The following STK3 variants were observed in gnomAD, a reference collection of about 807,000 sequenced individuals.
STK3 encodes serine/threonine kinase 3, also known as serine/threonine-protein kinase 3.
In STK3, 41 loss-of-function variants were observed where a neutral mutation model predicts 58.0. That is an observed-to-expected ratio of 0.71 (90% CI 0.55 to 0.92). The LOEUF (loss-of-function observed/expected upper bound fraction) is 0.92. Ranked by LOEUF, STK3 falls within the 40% of genes least tolerant of loss-of-function variation. The pLI is 0.00. For missense variants in STK3, 479 were observed against 602.7 expected, an observed-to-expected ratio of 0.79 and a Z score of 2.15; for synonymous variants, 170 against 191.0, an observed-to-expected ratio of 0.89 and a Z score of 0.91.
intron 3 of STK3, among the ~76,000 whole-genome samples, chr8:98,761,026 C>G (rs899388556): frequency 6.6e-6 from 1 of 151,962 alleles, no homozygotes; most frequent in African/African-American, 2.4e-5. Flanking sequence ...TCATAACACC[C>G]AAAATATGGA....
chr8:98,372,402 A>G lies in STK3; in HGVS notation n.112-724T>C, dbSNP rs528658040. Among the ~76,000 whole-genome samples, 1,303 of 152,326 alleles carry G rather than the reference A, an allele frequency of 8.6e-3. 13 individuals are homozygous for G. Among genetic ancestry groups the G allele is most frequent in the Middle Eastern group, 0.017 (5 of 294 alleles). ...GGGAGGCCCGCAGACTCCAACAGCC[A>G]GGACGCCACAGCTCCCCGGCCCCTC... On this transcript the variant is annotated intron_variant and non_coding_transcript_variant, in intron 2 of 2. Transcript: ENST00000518704.
At chr8:98,352,225 A>G in the STK3 span, among the ~76,000 whole-genome samples, 2 of 152,044 alleles carry the variant, frequency 1.3e-5, no homozygotes, top group Non-Finnish European at 2.9e-5. Context: ...AAAAGATAGG[A>G]ACATTTTGGC....
intron 6 of STK3, among the ~76,000 whole-genome samples, chr8:98,702,851 C>T (rs1825716174): frequency 6.6e-6 from 1 of 152,230 alleles, no homozygotes; most frequent in South Asian, 2.1e-4. Flanking sequence ...TCACCCACCA[C>T]ATCCTAACTT....
chr8:98,411,866 G>A (rs1262813597), intron 3 of STK3, among the ~76,000 whole-genome samples: 1 of 152,126 alleles, frequency 6.6e-6, no homozygotes, highest in Non-Finnish European at 1.5e-5. Flanking sequence ...TTGCTTCTCA[G>A]CTTAAGACAC....
intron 3 of STK3, among the ~76,000 whole-genome samples, chr8:98,858,368 A>T (rs944596798): frequency 6.9e-6 from 1 of 144,214 alleles, no homozygotes. Flanking sequence ...AGACAGAGAG[A>T]GAGTATATAG....
At chr8:98,893,834 T>G (rs1419013172) in intron 1 of STK3, among the ~76,000 whole-genome samples, 1 of 152,208 alleles carries the variant, frequency 6.6e-6, no homozygotes, top group African/African-American at 2.4e-5. Flanking sequence ...GGACAGTCTG[T>G]GTCACCCTGG....
chr8:98,621,276 G>C (rs1363807356), intron 6 of STK3, among the ~76,000 whole-genome samples: 2 of 152,122 alleles, frequency 1.3e-5, no homozygotes, highest in Non-Finnish European at 2.9e-5. Context: ...TTGAAACCTT[G>C]TTGCGCTTAC....
At chr8:98,514,374 A>G (rs1024067661) in intron 10 of STK3, among the ~76,000 whole-genome samples, 13 of 152,146 alleles carry the variant, frequency 8.5e-5, no homozygotes, top group Admixed American at 2.6e-4. Flanking sequence ...TTTTTAAAAA[A>G]AGTAATTTCA....
At chr8:98,475,277 G>A (rs1821221826) in intron 10 of STK3, among the ~76,000 whole-genome samples, 1 of 152,152 alleles carries the variant, frequency 6.6e-6, no homozygotes, top group African/African-American at 2.4e-5. Context: ...GCACCTGAAA[G>A]TCCTGTGCTT....
chr8:98,462,150 C>T (rs1380454780), intron 10 of STK3, among the ~76,000 whole-genome samples: 5 of 151,880 alleles, frequency 3.3e-5, no homozygotes, highest in African/African-American at 1.2e-4. Flanking sequence ...CTATAGTAAC[C>T]CTGTTGTGCT....
Position 98,723,664 on chromosome 8 carries a change from G to A in STK3, c.352-16353C>T, listed in dbSNP as rs1461000518. 5.9e-5 allele frequency among the ~76,000 whole-genome samples: 9 copies of A among 152,120 alleles called. No homozygotes were observed. In the East Asian group the frequency reaches 1.7e-3, roughly 29 times the overall value. On this transcript the variant is annotated intron_variant, in intron 4 of 10. Transcript: ENST00000419617. Reference sequence around the variant, plus strand: ...TAATTACTTATGCATATAAAATGACGCATTAATTCTACATTTAATACCTAT... The same window carrying A: ...TAATTACTTATGCATATAAAATGACACATTAATTCTACATTTAATACCTAT...
intron 3 of STK3, among the ~76,000 whole-genome samples, chr8:98,408,643 C>T (rs954069870): frequency 3.9e-5 from 6 of 152,204 alleles, no homozygotes; most frequent in African/African-American, 1.4e-4. Context: ...CATTTGTATT[C>T]TAAATAGGCC....
At chr8:98,706,355 A>G in intron 6 of STK3, 112 bp downstream of exon 6, 4 of 1,137,724 alleles carry the variant, frequency 3.5e-6, no homozygotes, top group Non-Finnish European at 4.7e-6. Context: ...TACCATTTTT[A>G]AAAAGAATAC....
At chr8:98,926,520 A>C (rs1425017435) in intron 1 of STK3, among the ~76,000 whole-genome samples, 2 of 152,090 alleles carry the variant, frequency 1.3e-5, no homozygotes, top group African/African-American at 2.4e-5. Context: ...TGAAAATAAT[A>C]CTCTCTTCAA....
chr8:98,622,269 C>CAA (rs879631103), intron 6 of STK3, among the ~76,000 whole-genome samples: 3 of 136,226 alleles, frequency 2.2e-5, no homozygotes, highest in African/African-American at 2.7e-5. Context: ...ACTCCATCTC[C>CAA]AAAAAAAAAA....
chr8:98,771,047 T>C (rs1402289244), intron 2 of STK3, among the ~76,000 whole-genome samples: 1 of 152,206 alleles, frequency 6.6e-6, no homozygotes, highest in Non-Finnish European at 1.5e-5. Context: ...ATTCACTGTT[T>C]TAAAGTGTAT....
chr8:98,756,864 C>G (rs1330156035), intron 3 of STK3, among the ~76,000 whole-genome samples: 1 of 152,164 alleles, frequency 6.6e-6, no homozygotes, highest in African/African-American at 2.4e-5. Flanking sequence ...TTTCACCTGC[C>G]CAAATTGCCC....
intron 7 of STK3, among the ~76,000 whole-genome samples, chr8:98,582,416 G>A (rs1217694103): frequency 6.6e-6 from 1 of 151,052 alleles, no homozygotes; most frequent in African/African-American, 2.4e-5. Context: ...TTTTTCTTTT[G>A]CTTTATTGCA....
At chr8:98,593,709 A>G (rs962249964) in intron 7 of STK3, among the ~76,000 whole-genome samples, 63 of 152,074 alleles carry the variant, frequency 4.1e-4, no homozygotes, top group African/African-American at 1.4e-3. Context: ...AACAATCCCA[A>G]CTCTGCTCAC....
Sources: gnomAD v4.1 joint callset for allele counts (sites outside exome capture counted in the v4.1 genomes callset) on GRCh38, gnomAD v4.1.1 for gene constraint, MANE v1.5 for transcripts, NCBI Gene and HGNC (gene_info 2026-07-23, HGNC 2026-07-21) for gene names.